The following NCF4 variants were observed in gnomAD, a reference collection of about 807,000 sequenced individuals.
The protein encoded by NCF4 is neutrophil cytosol factor 4.
NCF4 carries 30 observed loss-of-function variants against 41.7 expected under a neutral mutation model. The ratio of observed to expected loss-of-function variants is 0.72; its 90% CI spans 0.54 to 0.97. NCF4 has a LOEUF of 0.97. Ranked by LOEUF, NCF4 falls within the 50% of genes least tolerant of loss-of-function variation. NCF4 has a pLI of 0.00. For synonymous variants in NCF4, 195 were observed against 175.8 expected, an observed-to-expected ratio of 1.11 and a Z score of -0.87; for missense variants, 432 against 460.9, an observed-to-expected ratio of 0.94 and a Z score of 0.57.
rs773949075 is a variant in NCF4 at position 36,864,110 on chromosome 22, G to A, written c.98G>A (p.Arg33Lys). ...SANIADIEEK[R>K]GFTSHFVFVI... is the part of the protein sequence containing the mutation. The stretch of plus-strand genomic sequence containing the variant: ...AACATTGCTGACATCGAGGAGAAGA[G>A]AGGCTTCACCAGCCACTTTGTAAGA... The change falls in exon 2 of 10, where the codon AGA (arginine) becomes AAA (lysine). Residue 33 changes from arginine to lysine, a missense_variant. Coordinates refer to ENST00000248899, the MANE Select transcript of NCF4 (RefSeq NM_000631.5). The A allele has an allele frequency of 6.2e-7, 1 of 1,613,884 alleles. No homozygotes were observed. The highest frequency in any genetic ancestry group is 2.2e-5 in the East Asian group (1 of 44,876).
chr22:36,870,652 C>G (rs1940035226), intron 5 of NCF4, 110 bp downstream of exon 5: 3 of 1,420,606 alleles, frequency 2.1e-6, no homozygotes, highest in Middle Eastern at 2.0e-4. Flanking sequence ...AGCCATATCC[C>G]TGGACACTCC....
In NCF4 at chr22:36,870,078, G is replaced by A. The variant is rs12158690; in HGVS notation, c.343-337G>A. 3,451 of 380,644 alleles carry A rather than the reference G, an allele frequency of 9.1e-3. 120 individuals carry two copies. The highest frequency in any genetic ancestry group is 0.068 in the African/African-American group (3,253 of 47,874). The allele number at this position is 380,644 out of a possible 1,614,324, so 23.6% of individuals were successfully genotyped here. ...ATGTCATGAGATGGAGCAAGGGCGCGCATGTGATACCCACCTGGTAAAGTC... is the reference window on the plus strand; with the variant it reads ...ATGTCATGAGATGGAGCAAGGGCGCACATGTGATACCCACCTGGTAAAGTC... On this transcript the variant is annotated intron_variant, in intron 4 of 9. Transcript: ENST00000248899.
intron 7 of NCF4, among the ~76,000 whole-genome samples, chr22:36,874,807 G>C (rs1940156839): frequency 6.6e-6 from 1 of 152,212 alleles, no homozygotes; most frequent in African/African-American, 2.4e-5. Context: ...ACTTGGTCTA[G>C]AGTAGAGGCA....
At chr22:36,872,800 G>GTA (rs1940100418) in intron 7 of NCF4, among the ~76,000 whole-genome samples, 1 of 94,500 alleles carries the variant, frequency 1.1e-5, no homozygotes. Context: ...GATGGAGATT[G>GTA]AGGGTGGAGA....
chr22:36,867,886 G>A (rs895072224), intron 4 of NCF4, among the ~76,000 whole-genome samples: 1 of 152,176 alleles, frequency 6.6e-6, no homozygotes, highest in African/African-American at 2.4e-5. Flanking sequence ...CAAGCAGGCC[G>A]CAGGTTGCTC....
rs931709520 is a variant in NCF4, at chr22:36,865,297, C to T, written c.271+225C>T. Among the ~76,000 whole-genome samples, 1 of 152,146 alleles carries T rather than the reference C, an allele frequency of 6.6e-6. No individual in the cohort carries two copies. Among genetic ancestry groups the T allele is most frequent in the Admixed American group, 6.5e-5 (1 of 15,282 alleles). On this transcript the variant is annotated intron_variant, in intron 3 of 9. Coordinates refer to ENST00000248899, the MANE Select transcript of NCF4 (RefSeq NM_000631.5). This position sits in a 1 kb window ranked among gnomAD's most constrained non-coding sequence, Gnocchi z 4.3. ...GCACTCTAGCCTCACAGCCCCGGAG[C>T]TCTGATGACCATCGTGGCCACTCGC...
Position 36,865,179 on chromosome 22 carries a change from C to A in NCF4, c.271+107C>A. On this transcript the variant is annotated intron_variant, in intron 3 of 9. Coordinates refer to ENST00000248899, the MANE Select transcript of NCF4 (RefSeq NM_000631.5). This position sits in a 1 kb window ranked among gnomAD's most constrained non-coding sequence, Gnocchi z 4.3. ...GATCTCAACCCCAGTGAAAACTGTTCATGTAGTTTATAGCCCCCACTCCCG... is the reference window on the plus strand; with the variant it reads ...GATCTCAACCCCAGTGAAAACTGTTAATGTAGTTTATAGCCCCCACTCCCG... 2 of 1,502,574 alleles carry A rather than the reference C, an allele frequency of 1.3e-6. No homozygotes were observed. Among genetic ancestry groups the A allele is most frequent in the South Asian group, 1.2e-5 (1 of 86,200 alleles). 93.1% of individuals were successfully genotyped at this position (1,502,574 alleles called of 1,614,324 possible).
At position 36,861,105 on chromosome 22, in the gene NCF4, G is replaced by C. The variant is rs1226603977; in HGVS notation, c.-67G>C. 6.5e-7 allele frequency: 1 copy of C among 1,543,314 alleles called. No homozygotes were observed. The highest frequency in any genetic ancestry group is 1.4e-5 in the African/African-American group (1 of 72,858). On this transcript the variant is annotated 5_prime_UTR_variant, in exon 1 of 10. Coordinates refer to ENST00000248899, the MANE Select transcript of NCF4 (RefSeq NM_000631.5). ...GACGCAGGGTGGCTGGAGGAAGTGA[G>C]AGGTGAACTCAGCCTGGGACTGGCT...
chr22:36,867,426 C>T lies in NCF4; in HGVS notation c.306C>T (p.Ala102=), dbSNP rs34072404. ...ACGTGGGTGTGAAACAGGAGATCGC[C>T]GAGATGCGGATACCTGCCCTCAACG... The part of the protein sequence containing the change: ...KVYVGVKQEI[A]EMRIPALNAY... Residue 102 remains alanine (A), a synonymous_variant, in exon 4 of 10, where the codon GCC becomes GCT. Coordinates refer to ENST00000248899, the MANE Select transcript of NCF4 (RefSeq NM_000631.5). 1.6e-5 allele frequency: 26 copies of T among 1,614,050 alleles called. No homozygotes were observed. Among genetic ancestry groups the T allele is most frequent in the Admixed American group, 6.7e-5 (4 of 60,008 alleles).
chr22:36,865,360 A>T lies in NCF4; in HGVS notation c.271+288A>T, dbSNP rs938646819. On this transcript the variant is annotated intron_variant, in intron 3 of 9. Transcript: ENST00000248899. The surrounding 1 kb of genome is among the most constrained non-coding windows in gnomAD (Gnocchi z 4.3). ...CTACCAGGAGGCCACAGTCTGGAGC[A>T]CTTCAGCACCTGGCCTCCCTTCCTC... 2.6e-5 allele frequency among the ~76,000 whole-genome samples: 4 copies of T among 152,054 alleles called. No individual in the cohort carries two copies. The highest frequency in any genetic ancestry group is 9.7e-5 in the African/African-American group (4 of 41,394).
At position 36,864,925 on chromosome 22, in the gene NCF4, G is replaced by A. The variant is rs371578849; in HGVS notation, c.124G>A (p.Val42Ile). The change falls in exon 3 of 10, where the codon GTC (valine) becomes ATC (isoleucine). Residue 42 changes from valine to isoleucine, a missense_variant. Val to Ile is a conservative substitution (Grantham distance 29). Transcript: ENST00000248899. ...KRGFTSHFVFVIEVKTKGGSK... is the reference protein window; with the variant it reads ...KRGFTSHFVFIIEVKTKGGSK... ...CAACCTCTGTCCTCCTTAGGTTTTC[G>A]TCATCGAGGTGAAGACAAAAGGAGG... The A allele has an allele frequency of 1.9e-5, 30 of 1,613,606 alleles. No individual in the cohort carries two copies. The highest frequency in any genetic ancestry group is 1.1e-4 in the South Asian group (10 of 91,078).
At chr22:36,864,814 A>G in intron 2 of NCF4, 105 bp from the exon 3 acceptor site, 2 of 1,399,554 alleles carry the variant, frequency 1.4e-6, no homozygotes, top group Non-Finnish European at 2.0e-6. Context: ...CTGCATCCTT[A>G]TCCTCATCAT....
Position 36,877,652 on chromosome 22 carries a change from A to G in NCF4, c.849A>G (p.Ile283Met). ...GGCGGGAGTTCCAGAGAGAGGACAT[A>G]GCTCTGAATTACCGGGACGCTGAGG... ...LTRREFQREDIALNYRDAEGD... is the reference protein window; with the variant it reads ...LTRREFQREDMALNYRDAEGD... Residue 283 changes from isoleucine to methionine, a missense_variant, in exon 10 of 10, where the codon ATA becomes ATG. By Grantham distance (10) the Ile-to-Met change is conservative. Transcript: ENST00000248899. 6.2e-7 allele frequency: 1 copy of G among 1,614,162 alleles called. No homozygotes were observed. Among genetic ancestry groups the G allele is most frequent in the Non-Finnish European group, 8.5e-7 (1 of 1,180,034 alleles).
rs779475976 is a variant in NCF4 at position 36,876,103 on chromosome 22, C to T, written c.824+9C>T. On this transcript the variant is annotated intron_variant, in intron 9 of 9. Coordinates refer to ENST00000248899, the MANE Select transcript of NCF4 (RefSeq NM_000631.5). ...CTGCTGGAGCTCACAAGGTGAGGGG[C>T]TGGGAATGGGGCTGGGGAGTTAGAT... The T allele has an allele frequency of 1.2e-6, 2 of 1,602,190 alleles. No individual in the cohort carries two copies. Among genetic ancestry groups the T allele is most frequent in the African/African-American group, 1.3e-5 (1 of 74,790 alleles).
Position 36,877,726 on chromosome 22 carries a change from G to C in NCF4, c.923G>C (p.Arg308Pro). 2 of 1,614,080 alleles carry C rather than the reference G, an allele frequency of 1.2e-6. No homozygotes were observed. The highest frequency in any genetic ancestry group is 1.1e-5 in the South Asian group (1 of 91,074). ...GATGAGGACGTAGCGCTCATGGTGC[G>C]GCAGGCTCGTGGCCTCCCCTCCCAG... is the stretch of plus-strand genomic sequence containing the variant. ...LSDEDVALMV[R>P]QARGLPSQKR... is the part of the protein sequence containing the mutation. Residue 308 changes from arginine (R) to proline (P), a missense_variant, in exon 10 of 10, where the codon CGG (arginine) becomes CCG (proline). Arg to Pro is a moderately radical substitution (Grantham distance 103). Coordinates refer to ENST00000248899, the MANE Select transcript of NCF4 (RefSeq NM_000631.5).
At chr22:36,876,408 C>A (rs184366193) in intron 9 of NCF4, among the ~76,000 whole-genome samples, 1 of 152,146 alleles carries the variant, frequency 6.6e-6, no homozygotes, top group Non-Finnish European at 1.5e-5. Flanking sequence ...CTCACTACCC[C>A]CCCAGGTCCA....
At chr22:36,875,184 C>A (rs185932099) in intron 7 of NCF4, among the ~76,000 whole-genome samples, 1 of 152,094 alleles carries the variant, frequency 6.6e-6, no homozygotes, top group Non-Finnish European at 1.5e-5. Context: ...CCCGCACCAA[C>A]ACGCTTGGCT....
At chr22:36,872,991 C>T (rs796294828) in intron 7 of NCF4, among the ~76,000 whole-genome samples, 304 of 16,174 alleles carry the variant, frequency 0.019, no homozygotes, top group East Asian at 0.026. Context: ...AGGGTGGAGG[C>T]GAGAGTGGAG....
At position 36,864,965 on chromosome 22, in the gene NCF4, TCTACCGCCG is replaced by T. The variant is rs1939888887; in HGVS notation, c.173_181del (p.Arg58_Arg60del). ...ACAAAAGGAGGATCCAAGTACCTCA[TCTACCGCCG>T]CTACCGCCAGTTCCATGCTTTGCAG... On this transcript the variant is annotated inframe_deletion, in exon 3 of 10. Coordinates refer to ENST00000248899, the MANE Select transcript of NCF4 (RefSeq NM_000631.5). 1.2e-6 allele frequency: 2 copies of T among 1,613,950 alleles called. No homozygotes were observed. The highest frequency in any genetic ancestry group is 1.7e-6 in the Non-Finnish European group (2 of 1,180,020).
Sources: allele counts gnomAD v4.1 joint callset (sites outside exome capture counted in the v4.1 genomes callset), GRCh38; gene constraint gnomAD v4.1.1; non-coding constraint Gnocchi (gnomAD v3.1); transcripts MANE v1.5; gene names NCBI Gene and HGNC (gene_info 2026-07-23, HGNC 2026-07-21).